The following DIAPH1 variants were observed in gnomAD, a reference collection of about 807,000 sequenced individuals.
DIAPH1 encodes protein diaphanous homolog 1.
A neutral mutation model predicts 140.7 loss-of-function variants in DIAPH1; 46 were observed. The ratio of observed to expected loss-of-function variants is 0.33; its 90% CI spans 0.26 to 0.42. The LOEUF (loss-of-function observed/expected upper bound fraction) is 0.42, where lower values mean the gene tolerates loss of function less well. Ranked by LOEUF, DIAPH1 falls within the 10% of genes least tolerant of loss-of-function variation. The pLI is 1.00. For synonymous variants in DIAPH1, 565 were observed against 551.6 expected (o/e 1.02, Z -0.34); for missense variants, 1,310 against 1,558.7 (o/e 0.84, Z 2.69).
intron 18 of DIAPH1, among the ~76,000 whole-genome samples, chr5:141,556,185 A>C (rs2099892545): frequency 6.6e-6 from 1 of 152,230 alleles, no homozygotes. Flanking sequence ...CTGAAGCCAT[A>C]AAGGACTTTT....
At position 141,574,004 on chromosome 5, in the gene DIAPH1, G is replaced by T; in HGVS notation, c.1846C>A (p.Pro616Thr). The T allele has an allele frequency of 6.5e-7, 1 of 1,548,378 alleles. No individual in the cohort carries two copies. Among genetic ancestry groups the T allele is most frequent in the Non-Finnish European group, 8.7e-7 (1 of 1,146,028 alleles). Reference protein sequence around the residue: ...TTPPPPPPPPPPPPPLPGGVC... With the variant: ...TTPPPPPPPPTPPPPLPGGVC... ...CCCCCAGGCAAAGGAGGTGGAGGAG[G>T]AGGAGGAGGAGGAGGAGGAGGAGGA... Residue 616 changes from proline to threonine, a missense_variant, in exon 16 of 28, where the codon CCT (proline) becomes ACT (threonine). This residue lies in a region of DIAPH1 where 589 missense variants were observed against 549.3 expected (regional missense o/e 1.07). Coordinates refer to ENST00000389054, the MANE Select transcript of DIAPH1 (RefSeq NM_005219.5).
At chr5:141,522,578 CAAAAA>C (rs5871776) in intron 27 of DIAPH1, among the ~76,000 whole-genome samples, 1 of 88,946 alleles carries the variant, frequency 1.1e-5, no homozygotes, top group Non-Finnish European at 2.3e-5. Context: ...CCGACGGGGT[CAAAAA>C]AAAAAAAAAA....
intron 1 of DIAPH1, among the ~76,000 whole-genome samples, chr5:141,609,869 G>A (rs975468404): frequency 3.3e-5 from 5 of 152,262 alleles, no homozygotes; most frequent in African/African-American, 1.2e-4. Flanking sequence ...TGAAAGTCCC[G>A]AAATCCTCAG....
chr5:141,574,375 C>T lies in DIAPH1; in HGVS notation c.1642-167G>A, dbSNP rs570824644. Among the ~76,000 whole-genome samples the T allele has an allele frequency of 1.9e-3, 289 of 152,298 alleles. 7 individuals carry two copies. Among genetic ancestry groups the T allele is most frequent in the Middle Eastern group, 3.4e-3 (1 of 294 alleles). Reference sequence around the variant, plus strand: ...CACCTAAAGTCACACGGCTTGGCAGCAGAGCCAAAACTAGAATTCAGGTTT... The same window carrying T: ...CACCTAAAGTCACACGGCTTGGCAGTAGAGCCAAAACTAGAATTCAGGTTT... On this transcript the variant is annotated intron_variant, in intron 15 of 27. Coordinates refer to ENST00000389054, the MANE Select transcript of DIAPH1 (RefSeq NM_005219.5).
chr5:141,602,223 A>T (rs893629978), intron 1 of DIAPH1, among the ~76,000 whole-genome samples: 5 of 149,432 alleles, frequency 3.3e-5, no homozygotes, highest in South Asian at 2.1e-4. Context: ...ACAAAAAAAA[A>T]TTTTTTTTTT....
chr5:141,548,298 A>G (rs554208748), intron 18 of DIAPH1, among the ~76,000 whole-genome samples: 108 of 152,222 alleles, frequency 7.1e-4, no homozygotes, highest in African/African-American at 2.5e-3. Context: ...AAAAAAAGAA[A>G]AAACATCTTC....
At chr5:141,577,171 T>C (rs183744094) in intron 12 of DIAPH1, among the ~76,000 whole-genome samples, 79 of 152,332 alleles carry the variant, frequency 5.2e-4, no homozygotes, top group Middle Eastern at 6.8e-3. Context: ...AAATCTATAC[T>C]TCCAGGAAAC....
chr5:141,595,022 CAA>C (rs2099899092), intron 1 of DIAPH1, among the ~76,000 whole-genome samples: 2 of 125,696 alleles, frequency 1.6e-5, no homozygotes, highest in African/African-American at 6.1e-5. Context: ...GCCTGGGCGA[CAA>C]GAGCGAAACT....
At chr5:141,540,049 A>G (rs907286299) in intron 18 of DIAPH1, among the ~76,000 whole-genome samples, 1 of 151,942 alleles carries the variant, frequency 6.6e-6, no homozygotes, top group African/African-American at 2.4e-5. Context: ...CTTCCTTACT[A>G]TGGGCATTTA....
chr5:141,543,431 T>TA (rs1332150582), intron 18 of DIAPH1, among the ~76,000 whole-genome samples: 1 of 152,192 alleles, frequency 6.6e-6, no homozygotes, highest in East Asian at 1.9e-4. Flanking sequence ...GCTGTGGAAT[T>TA]AGATAGTGGT....
rs541633187 is a variant in DIAPH1, at chr5:141,594,399, T to C, written c.118-6149A>G. ...GACAACAGAACATTATCTGTTGTCTTAGTGCTAATCTTAAGGGCATACTGC... is the reference window on the plus strand; with the variant it reads ...GACAACAGAACATTATCTGTTGTCTCAGTGCTAATCTTAAGGGCATACTGC... On this transcript the variant is annotated intron_variant, in intron 1 of 27. Coordinates refer to ENST00000389054, the MANE Select transcript of DIAPH1 (RefSeq NM_005219.5). 5.9e-5 allele frequency among the ~76,000 whole-genome samples: 9 copies of C among 152,250 alleles called. No individual in the cohort carries two copies. The South Asian group carries it at 1.9e-3, about 32-fold the overall frequency.
chr5:141,569,296 C>T (rs1055506053), intron 18 of DIAPH1, among the ~76,000 whole-genome samples: 1 of 152,118 alleles, frequency 6.6e-6, no homozygotes, highest in African/African-American at 2.4e-5. Context: ...TATGTCACTA[C>T]TTCATCTGGA....
chr5:141,538,356 G>A (rs1000427143), intron 18 of DIAPH1, among the ~76,000 whole-genome samples: 1 of 137,410 alleles, frequency 7.3e-6, no homozygotes, highest in Admixed American at 7.3e-5. Context: ...CACTTCGCTC[G>A]GCTTTTTGTT....
At chr5:141,538,227 A>AT (rs1157637794) in intron 18 of DIAPH1, among the ~76,000 whole-genome samples, 1 of 149,008 alleles carries the variant, frequency 6.7e-6, no homozygotes, top group Admixed American at 6.7e-5. Flanking sequence ...CACTTGGCTA[A>AT]TTTTTTGTAT....
intron 27 of DIAPH1, among the ~76,000 whole-genome samples, 157 bp from the exon 28 acceptor site, chr5:141,517,165 G>T (rs995385127): frequency 6.6e-6 from 1 of 152,230 alleles, no homozygotes; most frequent in Non-Finnish European, 1.5e-5. Flanking sequence ...GATCCAGCAT[G>T]TGGAATATAT....
At chr5:141,571,226 CTT>C (rs1242694600) in intron 18 of DIAPH1, among the ~76,000 whole-genome samples, 200 bp downstream of exon 18, 1 of 152,172 alleles carries the variant, frequency 6.6e-6, no homozygotes, top group Non-Finnish European at 1.5e-5. Flanking sequence ...GGGAAGCAAA[CTT>C]TCCTCCCTAT....
chr5:141,576,921 T>G (rs1476655401), intron 12 of DIAPH1, 50 bp from the exon 13 acceptor site: 1 of 1,139,118 alleles, frequency 8.8e-7, no homozygotes, highest in Non-Finnish European at 1.3e-6. Context: ...AAATATAATT[T>G]TCAGAAGTAT....
At chr5:141,614,134 A>C (rs1039492865) in intron 1 of DIAPH1, among the ~76,000 whole-genome samples, 6 of 152,228 alleles carry the variant, frequency 3.9e-5, no homozygotes, top group African/African-American at 1.4e-4. Context: ...AAAACCACTT[A>C]AGTAATACAA....
At chr5:141,569,644 C>T (rs1054412380) in intron 18 of DIAPH1, among the ~76,000 whole-genome samples, 49 of 152,142 alleles carry the variant, frequency 3.2e-4, no homozygotes, top group African/African-American at 1.1e-3. Context: ...TGCCTGTAAT[C>T]CCAGCTACTC....
Sources: allele counts gnomAD v4.1 joint callset (sites outside exome capture counted in the v4.1 genomes callset), GRCh38; gene constraint gnomAD v4.1.1; regional missense constraint gnomAD v4.1.1; transcripts MANE v1.5; gene names NCBI Gene and HGNC (gene_info 2026-07-23, HGNC 2026-07-21).